The following PTPMT1 variants were observed in gnomAD, a reference collection of about 807,000 sequenced individuals.
PTPMT1 encodes phosphatidylglycerophosphatase and protein-tyrosine phosphatase 1.
PTPMT1 carries 12 observed loss-of-function variants against 17.8 expected under a neutral mutation model. That is an observed-to-expected ratio of 0.67 (90% CI 0.43 to 1.09). PTPMT1 has a LOEUF of 1.09. Ranked by LOEUF, PTPMT1 falls within the 50% of genes least tolerant of loss-of-function variation. The probability of loss-of-function intolerance (pLI) is 0.00; values close to 1 mark genes in which losing one functional copy is unlikely to be tolerated. For synonymous variants in PTPMT1, 132 were observed against 116.8 expected (o/e 1.13, Z -0.84); for missense variants, 262 against 266.0 (o/e 0.99, Z 0.10).
rs762264473 is a variant in PTPMT1 at position 47,565,918 on chromosome 11, G to A, written c.187G>A (p.Glu63Lys). The change falls in exon 2 of 4, where the codon GAG (glutamate) becomes AAG (lysine). Residue 63 changes from glutamate to lysine, a missense_variant. Coordinates refer to ENST00000326674, the MANE Select transcript of PTPMT1 (RefSeq NM_175732.3). ...TTTGCCTCGGCAGCTGGTACAGGAC[G>A]AGAACGTGCGCGGGGTGATCACCAT... is the stretch of plus-strand genomic sequence containing the variant. The part of the protein sequence containing the change: ...RSLTRQLVQD[E>K]NVRGVITMNE... 6.2e-7 allele frequency: 1 copy of A among 1,611,874 alleles called. No individual in the cohort carries two copies. The highest frequency in any genetic ancestry group is 8.5e-7 in the Non-Finnish European group (1 of 1,179,306).
chr11:47,568,990 CAAAATA>C (rs2097247967), intron 2 of PTPMT1, among the ~76,000 whole-genome samples: 1 of 151,938 alleles, frequency 6.6e-6, no homozygotes, highest in African/African-American at 2.4e-5. Context: ...CATGCCCGGC[CAAAATA>C]AAATGTTAAG....
chr11:47,571,561 A>C lies in PTPMT1; in HGVS notation c.538A>C (p.Lys180Gln). Residue 180 changes from lysine (K) to glutamine (Q), a missense_variant, in exon 4 of 4, where the codon AAA becomes CAA. Physicochemically the swap from Lys to Gln is moderately conservative, Grantham distance 53. Coordinates refer to ENST00000326674, the MANE Select transcript of PTPMT1 (RefSeq NM_175732.3). The part of the protein sequence containing the change: ...HIRPGQLDVL[K>Q]EFHKQITARA... ...CAGGCCTGGCCAGCTGGATGTTCTT[A>C]AAGAGTTCCACAAGCAGATTACTGC... 6.2e-7 allele frequency: 1 copy of C among 1,613,906 alleles called. No homozygotes were observed. Among genetic ancestry groups the C allele is most frequent in the South Asian group, 1.1e-5 (1 of 91,076 alleles).
chr11:47,566,629 C>A (rs2097244907), intron 2 of PTPMT1, among the ~76,000 whole-genome samples: 1 of 152,048 alleles, frequency 6.6e-6, no homozygotes, highest in African/African-American at 2.4e-5. Context: ...TGATTTCATT[C>A]ATTCTTTCTA....
chr11:47,566,483 AT>A (rs2153792814), intron 2 of PTPMT1, among the ~76,000 whole-genome samples: 1 of 107,008 alleles, frequency 9.3e-6, no homozygotes, highest in African/African-American at 3.8e-5. Context: ...GAGTGAAACA[AT>A]GTCTCAAAAA....
intron 3 of PTPMT1, among the ~76,000 whole-genome samples, chr11:47,570,209 A>AAC (rs974432833): frequency 1.6e-5 from 2 of 123,990 alleles, no homozygotes; most frequent in African/African-American, 5.8e-5. Context: ...AAAAAAAAAA[A>AAC]GTCTTTCTGG....
chr11:47,570,118 G>A (rs963056126), intron 3 of PTPMT1, among the ~76,000 whole-genome samples: 6 of 150,752 alleles, frequency 4.0e-5, no homozygotes, highest in African/African-American at 9.7e-5. Context: ...AGCCCAGTAG[G>A]TAGAGGCTGC....
Position 47,573,131 on chromosome 11 carries a change from G to A in PTPMT1, c.*1502G>A, listed in dbSNP as rs897496370. 5.6e-6 allele frequency: 9 copies of A among 1,614,082 alleles called. No homozygotes were observed. Among genetic ancestry groups the A allele is most frequent in the Non-Finnish European group, 7.6e-6 (9 of 1,180,038 alleles). Reference sequence around the variant, plus strand: ...TCCAGGCCTCAGGAAGGCAAAGCCGGGTGAAGCTGTCTAGCAAGGGATTGT... The same window carrying A: ...TCCAGGCCTCAGGAAGGCAAAGCCGAGTGAAGCTGTCTAGCAAGGGATTGT... On this transcript the variant is annotated 3_prime_UTR_variant, in exon 4 of 4. Transcript: ENST00000326674. The surrounding 1 kb of genome is among the most constrained non-coding windows in gnomAD (Gnocchi z 4.1).
At chr11:47,570,609 T>G (rs2097249089) in intron 3 of PTPMT1, among the ~76,000 whole-genome samples, 1 of 152,222 alleles carries the variant, frequency 6.6e-6, no homozygotes, top group Non-Finnish European at 1.5e-5. Context: ...AGCTTTATAG[T>G]ACTCAAGTTT....
intron 2 of PTPMT1, among the ~76,000 whole-genome samples, chr11:47,567,817 C>T (rs770490568): frequency 3.9e-5 from 6 of 152,134 alleles, no homozygotes; most frequent in Non-Finnish European, 8.8e-5. Context: ...ACCTTGGCCT[C>T]TCAAAATCTG....
At chr11:47,567,119 G>A (rs2097245676) in intron 2 of PTPMT1, among the ~76,000 whole-genome samples, 1 of 152,022 alleles carries the variant, frequency 6.6e-6, no homozygotes, top group Admixed American at 6.6e-5. Flanking sequence ...TTGTGACTTG[G>A]CCAGGCGTGG....
rs939807755 is a variant in PTPMT1 at position 47,565,644 on chromosome 11, G to C, written c.22G>C (p.Glu8Gln). The C allele has an allele frequency of 1.3e-5, 17 of 1,350,286 alleles. No individual in the cohort carries two copies. The African/African-American group carries it at 2.1e-4, about 17-fold the overall frequency. 83.6% of individuals were successfully genotyped at this position (1,350,286 alleles called of 1,614,324 possible). Reference sequence around the variant, plus strand: ...CGGGATGGCGGCCACCGCGCTGCTGGAGGCCGGCCTGGCGCGGGTGCTCTT... The same window carrying C: ...CGGGATGGCGGCCACCGCGCTGCTGCAGGCCGGCCTGGCGCGGGTGCTCTT... MAATALL[E>Q]AGLARVLFYP... Residue 8 changes from glutamate (E) to glutamine (Q), a missense_variant, in exon 1 of 4, where the codon GAG (glutamate) becomes CAG (glutamine). Coordinates refer to ENST00000326674, the MANE Select transcript of PTPMT1 (RefSeq NM_175732.3).
chr11:47,572,635 GA>G lies in PTPMT1; in HGVS notation c.*1007del, dbSNP rs2097251174. 1 of 421,450 alleles carries G rather than the reference GA, an allele frequency of 2.4e-6. No individual in the cohort carries two copies. The highest frequency in any genetic ancestry group is 4.3e-6 in the Non-Finnish European group (1 of 234,254). The allele number at this position is 421,450 out of a possible 1,614,324, so 26.1% of individuals were successfully genotyped here. A position where few individuals can be genotyped will look rare whatever the true frequency, so the allele number is the denominator to read the frequency against. On this transcript the variant is annotated 3_prime_UTR_variant, in exon 4 of 4. Transcript: ENST00000326674. ...TTTAACATTGATCAGGTAAAGAGGA[GA>G]GGCTGTGCCTAAGGTCTGAGAAAAG...
rs371944047 is a variant in PTPMT1, at chr11:47,569,777, C to T, written c.333C>T (p.Leu111=). Residue 111 remains leucine (L), a synonymous_variant, in exon 3 of 4, where the codon CTC becomes CTT. Transcript: ENST00000326674. ...DMTGIPTLDN[L]QKGVQFALKY... is the part of the protein sequence containing the mutation. ...CTGGGATCCCCACCTTGGACAACCT[C>T]CAGAAGGGAGTCCAATTTGCTCTCA... The T allele has an allele frequency of 2.4e-5, 39 of 1,613,906 alleles. No homozygotes were observed. Among genetic ancestry groups the T allele is most frequent in the Admixed American group, 3.3e-5 (2 of 59,990 alleles).
chr11:47,569,386 TAA>T (rs55868744), intron 2 of PTPMT1, among the ~76,000 whole-genome samples: 2,097 of 112,778 alleles, frequency 0.019, 32 homozygotes, highest in African/African-American at 0.046. Flanking sequence ...ACTCTGTCTT[TAA>T]AAAAAAAAAA....
In PTPMT1 at chr11:47,572,998, T is replaced by A. The variant is rs2097252043; in HGVS notation, c.*1369T>A. On this transcript the variant is annotated 3_prime_UTR_variant, in exon 4 of 4. Transcript: ENST00000326674. ...CCTCTTGTGACAGTTACGGCTGAAG[T>A]GGCAGGGTCAAGCTTGTAGGTGTTG... is the stretch of plus-strand genomic sequence containing the variant. 1 of 1,614,110 alleles carries A rather than the reference T, an allele frequency of 6.2e-7. No homozygotes were observed. The highest frequency in any genetic ancestry group is 8.5e-7 in the Non-Finnish European group (1 of 1,180,024).
chr11:47,573,042 C>T lies in PTPMT1; in HGVS notation c.*1413C>T, dbSNP rs750426060. ...GGTGTTGGCATCCCCCTTTTTATAT[C>T]GGTCCCGGAAGACATAGATGCTCCC... On this transcript the variant is annotated 3_prime_UTR_variant, in exon 4 of 4. Transcript: ENST00000326674. The surrounding 1 kb of genome is among the most constrained non-coding windows in gnomAD (Gnocchi z 4.1). The T allele has an allele frequency of 2.3e-5, 37 of 1,614,148 alleles. No individual in the cohort carries two copies. Among genetic ancestry groups the T allele is most frequent in the East Asian group, 1.6e-4 (7 of 44,876 alleles).
Position 47,573,254 on chromosome 11 carries a change from A to T in PTPMT1, c.*1625A>T. The stretch of plus-strand genomic sequence containing the variant: ...CAAAGGGCAGCACATAGGGCTTCAC[A>T]TGGCATTTGTCTGTCTCTGTGTCAA... On this transcript the variant is annotated 3_prime_UTR_variant, in exon 4 of 4. Transcript: ENST00000326674. The surrounding 1 kb of genome is among the most constrained non-coding windows in gnomAD (Gnocchi z 4.1). 6.2e-7 allele frequency: 1 copy of T among 1,614,128 alleles called. No homozygotes were observed. The highest frequency in any genetic ancestry group is 8.5e-7 in the Non-Finnish European group (1 of 1,180,024).
intron 2 of PTPMT1, among the ~76,000 whole-genome samples, chr11:47,569,039 G>T (rs866306615): frequency 6.6e-6 from 1 of 152,014 alleles, no homozygotes; most frequent in Non-Finnish European, 1.5e-5. Flanking sequence ...CAGCTAAAAT[G>T]TATATAGCTA....
rs1358045158 is a variant in PTPMT1 at position 47,572,295 on chromosome 11, A to T, written c.*666A>T. 6.5e-6 allele frequency: 1 copy of T among 152,848 alleles called. No individual in the cohort carries two copies. Among genetic ancestry groups the T allele is most frequent in the Non-Finnish European group, 1.5e-5 (1 of 68,188 alleles). The allele number at this position is 152,848 out of a possible 1,614,324, so 9.5% of individuals were successfully genotyped here. A position where few individuals can be genotyped will look rare whatever the true frequency, so the allele number is the denominator to read the frequency against. ...CACCTTATATATTTGAGATTGAAAA[A>T]GTTTCTGCTATTAATCAGAAATAAT... is the stretch of plus-strand genomic sequence containing the variant. On this transcript the variant is annotated 3_prime_UTR_variant, in exon 4 of 4. Coordinates refer to ENST00000326674, the MANE Select transcript of PTPMT1 (RefSeq NM_175732.3).
Sources: allele counts gnomAD v4.1 joint callset (sites outside exome capture counted in the v4.1 genomes callset), GRCh38; gene constraint gnomAD v4.1.1; non-coding constraint Gnocchi (gnomAD v3.1); transcripts MANE v1.5; gene names NCBI Gene and HGNC (gene_info 2026-07-23, HGNC 2026-07-21).